The following DNAJB1 variants were observed in gnomAD, a reference collection of about 807,000 sequenced individuals.
DNAJB1 encodes dnaJ homolog subfamily B member 1.
A neutral mutation model predicts 24.0 loss-of-function variants in DNAJB1; 14 were observed. That is an observed-to-expected ratio of 0.58 (90% CI 0.39 to 0.91). The LOEUF (loss-of-function observed/expected upper bound fraction) is 0.91. Ranked by LOEUF, DNAJB1 falls within the 40% of genes least tolerant of loss-of-function variation. The pLI, the probability that DNAJB1 is intolerant of heterozygous loss-of-function variation, is 0.00. For missense variants in DNAJB1, 517 were observed against 458.1 expected (o/e 1.13, Z -1.17); for synonymous variants, 262 against 174.4 (o/e 1.50, Z -3.96).
At chr19:14,525,297 C>T (rs533807982) in intron 2 of DNAJB1, among the ~76,000 whole-genome samples, 2 of 150,570 alleles carry the variant, frequency 1.3e-5, no homozygotes, top group Non-Finnish European at 2.9e-5. Flanking sequence ...ATTTCATCAA[C>T]ATAGCAACAC....
chr19:14,518,529 G>C (rs2072320980), upstream of DNAJB1: 3 of 435,532 alleles, frequency 6.9e-6, no homozygotes, highest in Non-Finnish European at 1.1e-5. Flanking sequence ...TCAGCGACAC[G>C]CGACATCCGG....
upstream of DNAJB1, among the ~76,000 whole-genome samples, chr19:14,552,200 C>G (rs1205203190): frequency 7.7e-6 from 1 of 130,460 alleles, no homozygotes; most frequent in African/African-American, 2.9e-5. Context: ...GATAGCGTGT[C>G]TTCTGTCCCC....
intron 1 of DNAJB1, among the ~76,000 whole-genome samples, chr19:14,541,002 T>A (rs2073078801): frequency 6.6e-6 from 1 of 152,014 alleles, no homozygotes; most frequent in Non-Finnish European, 1.5e-5. Context: ...ATTTTGGTAT[T>A]TTTAGTAGAG....
At chr19:14,528,847 G>A (rs1404056430) in intron 1 of DNAJB1, among the ~76,000 whole-genome samples, 1 of 152,146 alleles carries the variant, frequency 6.6e-6, no homozygotes, top group East Asian at 1.9e-4. Context: ...GGGAGGCTGA[G>A]GCATGAGAAT....
chr19:14,529,901 A>G (rs1012227702), upstream of DNAJB1: 1 of 790,474 alleles, frequency 1.3e-6, no homozygotes, highest in East Asian at 2.7e-5. Flanking sequence ...GGAAGTATTT[A>G]TAAATCTGCA....
At chr19:14,552,144 CTTTTCTTT>C (rs1414321941), upstream of DNAJB1, among the ~76,000 whole-genome samples, 14 of 141,608 alleles carry the variant, frequency 9.9e-5, no homozygotes, top group African/African-American at 3.5e-4. Flanking sequence ...TGGCCTTTTT[CTTTTCTTT>C]CTTTCTTTCT....
upstream of DNAJB1, chr19:14,529,496 A>C: frequency 1.4e-6 from 1 of 717,984 alleles, no homozygotes; most frequent in Non-Finnish European, 2.5e-6. Flanking sequence ...CTTGGTTCGG[A>C]CCGGCCCCAA....
At chr19:14,529,447 C>T (rs534290665), upstream of DNAJB1, 13 of 632,802 alleles carry the variant, frequency 2.1e-5, no homozygotes, top group South Asian at 2.1e-4. Context: ...CGATTGGTCT[C>T]GCAAGTTGAT....
At position 14,517,054 on chromosome 19, in the gene DNAJB1, G is replaced by A. The variant is rs1299664317; in HGVS notation, c.212-8C>T. 1.9e-6 allele frequency: 3 copies of A among 1,599,070 alleles called. No individual in the cohort carries two copies. Among genetic ancestry groups the A allele is most frequent in the East Asian group, 2.2e-5 (1 of 44,698 alleles). On this transcript the variant is annotated splice_region_variant and splice_polypyrimidine_tract_variant and intron_variant, in intron 1 of 2. Coordinates refer to ENST00000254322, the MANE Select transcript of DNAJB1 (RefSeq NM_006145.3). Reference sequence around the variant, plus strand: ...GGCCACTCCCCTTTAGGCCTGAAAAGCAGATTTAGAAGCAGTCAGATGGCT... The same window carrying A: ...GGCCACTCCCCTTTAGGCCTGAAAAACAGATTTAGAAGCAGTCAGATGGCT...
At chr19:14,558,672 C>A (rs1423435327) in intron 1 of DNAJB1, among the ~76,000 whole-genome samples, 1 of 152,170 alleles carries the variant, frequency 6.6e-6, no homozygotes, top group African/African-American at 2.4e-5. Flanking sequence ...GTGGTCTCAC[C>A]CCTTGCCCGT....
At chr19:14,553,149 G>C (rs897370742), upstream of DNAJB1, among the ~76,000 whole-genome samples, 11 of 152,116 alleles carry the variant, frequency 7.2e-5, no homozygotes, top group African/African-American at 2.4e-4. Context: ...AGGAGCTCGT[G>C]CGTCCGATGA....
upstream of DNAJB1, among the ~76,000 whole-genome samples, chr19:14,553,275 C>T (rs745591613): frequency 9.2e-5 from 14 of 152,186 alleles, no homozygotes; most frequent in East Asian, 1.2e-3. Context: ...GCCCTGGCCT[C>T]GGATCCGAGA....
rs377499028 is a variant in DNAJB1, at chr19:14,515,904, A to C, written c.*36T>G. The C allele has an allele frequency of 6.3e-5, 100 of 1,593,106 alleles. No homozygotes were observed. Among genetic ancestry groups the C allele is most frequent in the Non-Finnish European group, 8.0e-5 (94 of 1,171,138 alleles). ...AGGTCCAGAAATCCTTGAGCTCTGG[A>C]AAGGTCCCTGGTCAGTCCTTGGGGA... On this transcript the variant is annotated 3_prime_UTR_variant, in exon 3 of 3. Coordinates refer to ENST00000254322, the MANE Select transcript of DNAJB1 (RefSeq NM_006145.3).
At chr19:14,544,068 A>G (rs1341507605) in intron 1 of DNAJB1, among the ~76,000 whole-genome samples, 1 of 152,068 alleles carries the variant, frequency 6.6e-6, no homozygotes, top group Non-Finnish European at 1.5e-5. Flanking sequence ...TCTCCCAGCC[A>G]GGGGTGGGGG....
In DNAJB1 at chr19:14,518,354, C is replaced by A. The variant is rs776793307; in HGVS notation, c.-5G>T. 22 of 1,554,552 alleles carry A rather than the reference C, an allele frequency of 1.4e-5. No homozygotes were observed. The highest frequency in any genetic ancestry group is 2.3e-5 in the East Asian group (1 of 42,942). ...CTGGTAGTAGTCTTTACCCATGACC[C>A]CCTCCTGCGGCCCGCCGACCCGCTG... On this transcript the variant is annotated 5_prime_UTR_variant, in exon 1 of 3. Transcript: ENST00000254322.
intron 1 of DNAJB1, 75 bp downstream of exon 1, chr19:14,518,064 C>A: frequency 7.4e-7 from 1 of 1,342,724 alleles, no homozygotes; most frequent in Non-Finnish European, 9.6e-7. Context: ...CGGGGGGCCG[C>A]CGAGAGGGGC....
chr19:14,525,178 A>G (rs2146533144), intron 2 of DNAJB1, among the ~76,000 whole-genome samples: 1 of 152,216 alleles, frequency 6.6e-6, no homozygotes, highest in Non-Finnish European at 1.5e-5. Flanking sequence ...GGTTGCAGTG[A>G]GCCGAGATTG....
chr19:14,528,892 G>A (rs906258273), intron 1 of DNAJB1, among the ~76,000 whole-genome samples: 6 of 152,158 alleles, frequency 3.9e-5, no homozygotes, highest in Non-Finnish European at 8.8e-5. Context: ...TGCGTGAGCC[G>A]TCATTGCGCC....
At chr19:14,552,695 C>T (rs2073573853), upstream of DNAJB1, among the ~76,000 whole-genome samples, 1 of 151,996 alleles carries the variant, frequency 6.6e-6, no homozygotes, top group African/African-American at 2.4e-5. Flanking sequence ...CCACCATGCC[C>T]GGCTAACTTT....
Sources: gnomAD v4.1 joint callset for allele counts (sites outside exome capture counted in the v4.1 genomes callset) on GRCh38, gnomAD v4.1.1 for gene constraint, MANE v1.5 for transcripts, NCBI Gene and HGNC (gene_info 2026-07-23, HGNC 2026-07-21) for gene names.